Variants in SHROOM4 observed in about 807,000 individuals in gnomAD.
SHROOM4 encodes the protein shroom family member 4.
A neutral mutation model predicts 80.3 loss-of-function variants in SHROOM4; 17 were observed. That is an observed-to-expected ratio of 0.21 (90% CI 0.14 to 0.32). The LOEUF is 0.32. SHROOM4 is among the 10% of genes least tolerant of loss of function. SHROOM4 has a pLI of 1.00. For synonymous variants in SHROOM4, 400 were observed against 437.5 expected (o/e 0.91, Z 1.07); for missense variants, 993 against 1,140.3 (o/e 0.87, Z 1.86).
chrX:50,807,181 G>A (rs782455347), intron 1 of SHROOM4, among the ~76,000 whole-genome samples: 1 of 112,209 alleles, frequency 8.9e-6, no homozygotes, highest in African/African-American at 3.2e-5. Context: ...CGAGGCTTTA[G>A]TAGTAACGAA....
rs782520820 is a variant in SHROOM4, at chrX:50,636,268, C to T, written c.405-600G>A. ...GGGCTGCTTGCTCATCCAGCAATCA[C>T]ACTTTTGAGAACCACTGGTGTAAAG... On this transcript the variant is annotated intron_variant, in intron 3 of 8. Transcript: ENST00000376020. Among the ~76,000 whole-genome samples the T allele has an allele frequency of 7.2e-5, 8 of 110,492 alleles. No individual in the cohort carries two copies. The South Asian group carries it at 3.2e-3, about 44-fold the overall frequency.
In SHROOM4 at chrX:50,735,989, A is replaced by C. The variant is rs922412921; in HGVS notation, c.118-40052T>G. Reference sequence around the variant, plus strand: ...GCCACTGCACTCCAGCCTGGGTGACAGAACGAGACTGTTTCAAAAAAAAAA... The same window carrying C: ...GCCACTGCACTCCAGCCTGGGTGACCGAACGAGACTGTTTCAAAAAAAAAA... On this transcript the variant is annotated intron_variant, in intron 1 of 8. Coordinates refer to ENST00000376020, the MANE Select transcript of SHROOM4 (RefSeq NM_020717.5). Among the ~76,000 whole-genome samples, 3 of 107,137 alleles carry C rather than the reference A, an allele frequency of 2.8e-5. No individual in the cohort carries two copies. In the Admixed American group the frequency reaches 3.0e-4, roughly 11 times the overall value. The allele number at this position is 107,137 out of a possible 115,157, so 93.0% of individuals were successfully genotyped here. A position where few individuals can be genotyped will look rare whatever the true frequency, so the allele number is the denominator to read the frequency against.
chrX:50,698,947 G>A (rs1479307074), intron 1 of SHROOM4, among the ~76,000 whole-genome samples: 1 of 112,011 alleles, frequency 8.9e-6, no homozygotes, highest in Non-Finnish European at 1.9e-5. Flanking sequence ...CCCTGGAAAG[G>A]TGTGAATCAA....
At chrX:50,581,938 C>T (rs1376550284), downstream of SHROOM4, among the ~76,000 whole-genome samples, 1 of 111,492 alleles carries the variant, frequency 9.0e-6, no homozygotes, top group Non-Finnish European at 1.9e-5. Context: ...ATATCTTATA[C>T]CACTTTGCCT....
At chrX:50,724,887 T>C (rs1255471401) in intron 1 of SHROOM4, among the ~76,000 whole-genome samples, 2 of 112,269 alleles carry the variant, frequency 1.8e-5, no homozygotes, top group African/African-American at 6.5e-5. Context: ...GTATTGTATA[T>C]AAGAAATCGT....
intron 2 of SHROOM4, among the ~76,000 whole-genome samples, chrX:50,660,853 G>C (rs915285918): frequency 2.5e-4 from 27 of 109,513 alleles, no homozygotes; most frequent in Middle Eastern, 4.7e-3. Context: ...CTGGTCACAA[G>C]CAATCCTCCT....
rs782096933 is a variant in SHROOM4, at chrX:50,795,088, GATAT to G, written c.117+18810_117+18813del. Among the ~76,000 whole-genome samples, 6 of 28,158 alleles carry G rather than the reference GATAT, an allele frequency of 2.1e-4. 1 individual carries two copies. Among genetic ancestry groups the G allele is most frequent in the African/African-American group, 1.3e-3 (6 of 4,557 alleles). The allele number at this position is 28,158 out of a possible 115,157, so 24.5% of individuals were successfully genotyped here. A position where few individuals can be genotyped will look rare whatever the true frequency, so the allele number is the denominator to read the frequency against. ...ATATATATATATGATATATATATATGATATATATATATGATATATATATATGATA... is the reference window on the plus strand; with the variant it reads ...ATATATATATATGATATATATATATGATATATATGATATATATATATGATA... On this transcript the variant is annotated intron_variant, in intron 1 of 8. Transcript: ENST00000376020.
At chrX:50,609,702 ATATAT>A (rs1382668175) in intron 5 of SHROOM4, among the ~76,000 whole-genome samples, 5 of 106,128 alleles carry the variant, frequency 4.7e-5, no homozygotes, top group African/African-American at 1.4e-4. Context: ...TATAATTTTA[ATATAT>A]TATATATGTT....
intron 2 of SHROOM4, among the ~76,000 whole-genome samples, chrX:50,644,465 A>G (rs1931744126): frequency 8.9e-6 from 1 of 112,376 alleles, no homozygotes; most frequent in Non-Finnish European, 1.9e-5. Flanking sequence ...CGCAGTAGCC[A>G]GAATCCAGAG....
In SHROOM4 at chrX:50,633,798, C is replaced by T. The variant is rs1931189868; in HGVS notation, c.2275G>A (p.Ala759Thr). The change falls in exon 4 of 9, where the codon GCT becomes ACT. Residue 759 changes from alanine to threonine, a missense_variant. Ala to Thr is a moderately conservative substitution (Grantham distance 58). Coordinates refer to ENST00000376020, the MANE Select transcript of SHROOM4 (RefSeq NM_020717.5). ...GDNKELKASTAQAGEDAILLP... is the reference protein window; with the variant it reads ...GDNKELKASTTQAGEDAILLP... ...AGGATGGCATCCTCCCCAGCTTGAGCAGTAGAAGCCTTCAATTCCTTGTTG... is the reference window on the plus strand; with the variant it reads ...AGGATGGCATCCTCCCCAGCTTGAGTAGTAGAAGCCTTCAATTCCTTGTTG... 7 of 1,211,009 alleles carry T rather than the reference C, an allele frequency of 5.8e-6. No individual in the cohort carries two copies. The highest frequency in any genetic ancestry group is 7.8e-6 in the Non-Finnish European group (7 of 895,463).
intron 2 of SHROOM4, among the ~76,000 whole-genome samples, chrX:50,681,480 G>T (rs886731289): frequency 9.0e-6 from 1 of 110,956 alleles, no homozygotes; most frequent in Non-Finnish European, 1.9e-5. Flanking sequence ...ATATTCTTCT[G>T]GCTGGAATGC....
chrX:50,599,304 T>C (rs1202313297), intron 7 of SHROOM4, among the ~76,000 whole-genome samples: 1 of 111,752 alleles, frequency 8.9e-6, no homozygotes, highest in Non-Finnish European at 1.9e-5. Flanking sequence ...AGATCTTTGC[T>C]TCCTTAGCTT....
intron 2 of SHROOM4, among the ~76,000 whole-genome samples, chrX:50,663,255 T>A (rs1358082338): frequency 1.8e-5 from 2 of 111,728 alleles, no homozygotes; most frequent in Non-Finnish European, 3.8e-5. Context: ...CTCTTTCTAT[T>A]TTTGTTTTGT....
intron 2 of SHROOM4, among the ~76,000 whole-genome samples, chrX:50,653,317 C>T (rs1270006122): frequency 9.0e-6 from 1 of 111,327 alleles, no homozygotes; most frequent in East Asian, 2.8e-4. Flanking sequence ...ATTTTATTCT[C>T]TTTGTAGCAA....
At chrX:50,727,942 T>C (rs1213006864) in intron 1 of SHROOM4, among the ~76,000 whole-genome samples, 3 of 111,851 alleles carry the variant, frequency 2.7e-5, no homozygotes, top group Non-Finnish European at 3.8e-5. Context: ...CCTGAGGGGA[T>C]TGACTTTATT....
Position 50,635,663 on chromosome X carries a change from A to G in SHROOM4, c.410T>C (p.Val137Ala). 8.3e-7 allele frequency: 1 copy of G among 1,207,332 alleles called. No homozygotes were observed. Among genetic ancestry groups the G allele is most frequent in the Non-Finnish European group, 1.1e-6 (1 of 894,221 alleles). ...SWHSGCNTSDVCVQWCPLSRH... is the reference protein window; with the variant it reads ...SWHSGCNTSDACVQWCPLSRH... ...GGAGAGTGGACACCACTGCACACACACGTCACTGTAAGACACAGGGCATAC... is the reference window on the plus strand; with the variant it reads ...GGAGAGTGGACACCACTGCACACACGCGTCACTGTAAGACACAGGGCATAC... The change falls in exon 4 of 9, where the codon GTG becomes GCG. Residue 137 changes from valine (V) to alanine (A), a missense_variant. Transcript: ENST00000376020.
In SHROOM4 at chrX:50,780,568, C is replaced by T. The variant is rs1935603863; in HGVS notation, c.117+33334G>A. ...AAAGACAGTCTTTCTGTAATTGGCA[C>T]AAAAGCACTATATGGGTTAGTAGCA... On this transcript the variant is annotated intron_variant, in intron 1 of 8. Coordinates refer to ENST00000376020, the MANE Select transcript of SHROOM4 (RefSeq NM_020717.5). 2.7e-5 allele frequency among the ~76,000 whole-genome samples: 3 copies of T among 111,669 alleles called. No homozygotes were observed. In the South Asian group the frequency reaches 1.1e-3, roughly 42 times the overall value.
intron 1 of SHROOM4, among the ~76,000 whole-genome samples, chrX:50,813,192 GCAGCAGCAACAGCAGTAGCTC>G (rs1557273653): frequency 9.0e-6 from 1 of 110,860 alleles, no homozygotes; most frequent in African/African-American, 3.3e-5. Context: ...GGCGGCAGCG[GCAGCAGCAACAGCAGTAGCTC>G]CAGCACAGCT....
intron 1 of SHROOM4, among the ~76,000 whole-genome samples, chrX:50,783,440 A>G (rs1424646774): frequency 8.9e-6 from 1 of 112,177 alleles, no homozygotes; most frequent in Non-Finnish European, 1.9e-5. Flanking sequence ...ATAAATGGAG[A>G]GATATACATT....
Sources: gnomAD v4.1 joint callset for allele counts (sites outside exome capture counted in the v4.1 genomes callset) on GRCh38, gnomAD v4.1.1 for gene constraint, MANE v1.5 for transcripts, NCBI Gene and HGNC (gene_info 2026-07-23, HGNC 2026-07-21) for gene names.